Variants in SYNE2 observed in about 807,000 individuals in gnomAD.
SYNE2 encodes spectrin repeat containing nuclear envelope protein 2.
A neutral mutation model predicts 856.3 loss-of-function variants in SYNE2; 431 were observed. The observed-to-expected ratio is 0.50, with a 90% CI of 0.47 to 0.55. SYNE2 has a LOEUF of 0.55. Among genes scored for constraint, SYNE2 ranks in the 20% least tolerant of loss-of-function variants. The pLI is 0.00. For synonymous variants in SYNE2, 2,923 were observed against 2,872.3 expected, an observed-to-expected ratio of 1.02 and a Z score of -0.56; for missense variants, 8,129 against 8,023.2, an observed-to-expected ratio of 1.01 and a Z score of -0.50.
intron 77 of SYNE2, among the ~76,000 whole-genome samples, chr14:64,133,846 A>G (rs1359106962): frequency 6.6e-6 from 1 of 152,146 alleles, no homozygotes; most frequent in Non-Finnish European, 1.5e-5. Flanking sequence ...CTAAATGCCA[A>G]CTCAGATTCT....
intron 1 of SYNE2, among the ~76,000 whole-genome samples, chr14:63,770,944 G>A (rs1886876793): frequency 6.6e-6 from 1 of 152,056 alleles, no homozygotes; most frequent in Non-Finnish European, 1.5e-5. Flanking sequence ...GGCCTCAAGT[G>A]TTCCTCCTGC....
chr14:64,202,213 C>T (rs2139971963), intron 99 of SYNE2: 2 of 702,354 alleles, frequency 2.8e-6, no homozygotes, highest in Non-Finnish European at 5.2e-6. Context: ...CATAATCTAC[C>T]CGCATGGGCT....
intron 1 of SYNE2, among the ~76,000 whole-genome samples, chr14:63,775,576 T>A (rs1887079677): frequency 6.6e-6 from 1 of 152,056 alleles, no homozygotes; most frequent in Non-Finnish European, 1.5e-5. Context: ...ATGCCAGACC[T>A]ATTTTATTTA....
intron 1 of SYNE2, among the ~76,000 whole-genome samples, chr14:63,903,232 C>T (rs2095362199): frequency 1.3e-5 from 2 of 152,152 alleles, no homozygotes; most frequent in South Asian, 2.1e-4. Flanking sequence ...TGTGCTATGA[C>T]AGTATTTGGG....
chr14:64,188,171 G>A (rs2139558051), intron 97 of SYNE2, among the ~76,000 whole-genome samples: 1 of 152,254 alleles, frequency 6.6e-6, no homozygotes, highest in South Asian at 2.1e-4. Flanking sequence ...AGTTAAATAG[G>A]ACATTGTCCT....
chr14:64,030,069 G>A lies in SYNE2; in HGVS notation c.6879+10G>A, dbSNP rs765950963. 18 of 1,613,334 alleles carry A rather than the reference G, an allele frequency of 1.1e-5. No individual in the cohort carries two copies. The highest frequency in any genetic ancestry group is 4.4e-5 in the South Asian group (4 of 91,042). On this transcript the variant is annotated intron_variant, in intron 44 of 115. Coordinates refer to ENST00000555002, the MANE Select transcript of SYNE2 (RefSeq NM_182914.3). Reference sequence around the variant, plus strand: ...ATTGCAGAAACTGCAGGTACTAAACGGTGTCCAGACATGATAGACATTTAA... The same window carrying A: ...ATTGCAGAAACTGCAGGTACTAAACAGTGTCCAGACATGATAGACATTTAA...
At chr14:63,989,364 G>T (rs1014754900) in intron 19 of SYNE2, among the ~76,000 whole-genome samples, 1 of 152,150 alleles carries the variant, frequency 6.6e-6, no homozygotes, top group African/African-American at 2.4e-5. Flanking sequence ...TTGAGACAGA[G>T]TCTCGTTCTG....
chr14:64,185,559 CA>C (rs1324819805), intron 96 of SYNE2, among the ~76,000 whole-genome samples: 1 of 120,552 alleles, frequency 8.3e-6, no homozygotes, highest in Non-Finnish European at 1.6e-5. Flanking sequence ...CTCACTCTGT[CA>C]GCCAGGCTAG....
intron 94 of SYNE2, among the ~76,000 whole-genome samples, chr14:64,170,685 T>G (rs1187496708): frequency 1.3e-5 from 2 of 152,130 alleles, no homozygotes; most frequent in Non-Finnish European, 2.9e-5. Context: ...TAGGGTTCTC[T>G]TGGGCCATGA....
intron 7 of SYNE2, among the ~76,000 whole-genome samples, chr14:63,954,069 G>A (rs1212284229): frequency 2.0e-5 from 3 of 152,100 alleles, no homozygotes; most frequent in African/African-American, 4.8e-5. Flanking sequence ...ATGTGCCAAC[G>A]TCCCCAGCCA....
chr14:64,166,948 A>G (rs1347678408), intron 90 of SYNE2: 3 of 435,968 alleles, frequency 6.9e-6, no homozygotes, highest in African/African-American at 4.0e-5. Flanking sequence ...ATAAAAAATA[A>G]AAAAGCCTAT....
intron 18 of SYNE2, 76 bp downstream of exon 18, chr14:63,983,962 C>A: frequency 1.8e-6 from 2 of 1,137,410 alleles, no homozygotes; most frequent in Non-Finnish European, 2.5e-6. Flanking sequence ...AAAGATATTG[C>A]CGGGCACGGT....
rs754629074 is a variant in SYNE2 at position 64,215,365 on chromosome 14, GC to G, written c.19402+14del. The G allele has an allele frequency of 4.1e-5, 66 of 1,613,620 alleles. No individual in the cohort carries two copies. In the African/African-American group the frequency reaches 6.5e-4, roughly 16 times the overall value. ...TGAAAGCGTCTTCTGGTAGGCCCCC[GC>G]CCATGCATGTGTCAACATGGCAGCA... is the stretch of plus-strand genomic sequence containing the variant. On this transcript the variant is annotated intron_variant, in intron 107 of 115. Coordinates refer to ENST00000555002, the MANE Select transcript of SYNE2 (RefSeq NM_182914.3).
At chr14:63,835,983 CAA>C (rs369182135) in intron 1 of SYNE2, among the ~76,000 whole-genome samples, 28 of 128,056 alleles carry the variant, frequency 2.2e-4, no homozygotes, top group South Asian at 4.8e-4. Context: ...AACTCTGTCT[CAA>C]AAAAAAAAAA....
At chr14:63,791,679 C>T (rs1191773260) in intron 1 of SYNE2, among the ~76,000 whole-genome samples, 1 of 152,190 alleles carries the variant, frequency 6.6e-6, no homozygotes, top group Non-Finnish European at 1.5e-5. Context: ...CGTGGTGGCT[C>T]ATACCTGTAA....
chr14:64,119,375 A>C (rs973260414), intron 66 of SYNE2, 52 bp from the exon 67 acceptor site: 2 of 1,607,686 alleles, frequency 1.2e-6, no homozygotes, highest in African/African-American at 2.7e-5. Flanking sequence ...TTGCAGGCAC[A>C]ATACTTCTTC....
chr14:64,147,995 T>G (rs1205078649), intron 84 of SYNE2, among the ~76,000 whole-genome samples: 1 of 152,162 alleles, frequency 6.6e-6, no homozygotes, highest in Non-Finnish European at 1.5e-5. Context: ...AGAACCCATT[T>G]CTAATACTCA....
Position 63,983,781 on chromosome 14 carries a change from T to G in SYNE2, c.2046T>G (p.Thr682=). 1 of 1,613,190 alleles carries G rather than the reference T, an allele frequency of 6.2e-7. No homozygotes were observed. Among genetic ancestry groups the G allele is most frequent in the Non-Finnish European group, 8.5e-7 (1 of 1,179,358 alleles). ...TGATAAAAAAACAGGATCAGCCCAC[T>G]TTTGACAATTCTGGAAATATTCTAT... ...PLMIKKQDQP[T]FDNSGNILSK... The change falls in exon 18 of 116, where the codon ACT becomes ACG. Residue 682 remains threonine (T), a synonymous_variant. Coordinates refer to ENST00000555002, the MANE Select transcript of SYNE2 (RefSeq NM_182914.3).
intron 1 of SYNE2, among the ~76,000 whole-genome samples, chr14:63,844,724 A>G (rs61985749): frequency 0.47 from 71,748 of 151,804 alleles, 18,024 homozygotes; most frequent in South Asian, 0.58. Flanking sequence ...CTGGCTTCAT[A>G]AAACAATTGG....
Sources: gnomAD v4.1 joint callset for allele counts (sites outside exome capture counted in the v4.1 genomes callset) on GRCh38, gnomAD v4.1.1 for gene constraint, MANE v1.5 for transcripts, NCBI Gene and HGNC (gene_info 2026-07-23, HGNC 2026-07-21) for gene names.